The following HNF4G variants were observed in gnomAD, a reference collection of about 807,000 sequenced individuals.
HNF4G encodes hepatocyte nuclear factor 4-gamma.
In HNF4G, 21 loss-of-function variants were observed where a neutral mutation model predicts 50.9. That is an observed-to-expected ratio of 0.41 (90% CI 0.29 to 0.59). The LOEUF is 0.59. Among genes scored for constraint, HNF4G ranks in the 20% least tolerant of loss-of-function variants. The pLI is 0.26. For missense variants in HNF4G, 527 were observed against 559.4 expected (o/e 0.94, Z 0.58); for synonymous variants, 198 against 185.6 (o/e 1.07, Z -0.54).
upstream of HNF4G, among the ~76,000 whole-genome samples, chr8:75,538,040 TC>T (rs1263483829): frequency 2.0e-5 from 3 of 152,204 alleles, no homozygotes; most frequent in Non-Finnish European, 4.4e-5. Context: ...CTGACTGAAT[TC>T]CGTGGGTGTT....
chr8:75,559,085 A>G (rs1466183425), intron 8 of HNF4G, 48 bp downstream of exon 8: 19 of 1,200,684 alleles, frequency 1.6e-5, no homozygotes, highest in Non-Finnish European at 2.4e-5. Context: ...ATCACACTAA[A>G]TATAAGTTTG....
At chr8:75,418,035 T>A (rs1810683864) in intron 1 of HNF4G, among the ~76,000 whole-genome samples, 1 of 152,120 alleles carries the variant, frequency 6.6e-6, no homozygotes, top group South Asian at 2.1e-4. Context: ...CATAACATAA[T>A]GGGCCACGTA....
intron 1 of HNF4G, among the ~76,000 whole-genome samples, chr8:75,463,769 T>C (rs2130612836): frequency 6.7e-6 from 1 of 150,054 alleles, no homozygotes; most frequent in Admixed American, 6.6e-5. Context: ...TGTGAATATG[T>C]TGATTTTTTT....
Position 75,560,442 on chromosome 8 carries a change from A to G in HNF4G, c.1222A>G (p.Thr408Ala), listed in dbSNP as rs1272170427. 6.2e-7 allele frequency: 1 copy of G among 1,613,222 alleles called. No homozygotes were observed. The highest frequency in any genetic ancestry group is 2.2e-5 in the East Asian group (1 of 44,834). The part of the protein sequence containing the change: ...GQTILLGPMS[T>A]LVHADQISTP... ...AACTATACTTTTAGGTCCCATGTCAACACTGGTTCATGCAGACCAGATCTG... is the reference window on the plus strand; with the variant it reads ...AACTATACTTTTAGGTCCCATGTCAGCACTGGTTCATGCAGACCAGATCTG... Residue 408 changes from threonine (T) to alanine (A), a missense_variant, in exon 9 of 10, where the codon ACA becomes GCA. Transcript: ENST00000396423.
chr8:75,548,350 T>C (rs77926648), intron 3 of HNF4G, among the ~76,000 whole-genome samples: 1 of 152,168 alleles, frequency 6.6e-6, no homozygotes, highest in Non-Finnish European at 1.5e-5. Context: ...TTGATGAACA[T>C]TGAATGAACA....
intron 2 of HNF4G, among the ~76,000 whole-genome samples, chr8:75,531,624 A>G (rs1392179902): frequency 6.6e-6 from 1 of 152,104 alleles, no homozygotes; most frequent in Non-Finnish European, 1.5e-5. Context: ...TATGGGTTTC[A>G]TAATCACAGA....
At chr8:75,430,065 C>T (rs137948135) in intron 1 of HNF4G, among the ~76,000 whole-genome samples, 2,955 of 151,528 alleles carry the variant, frequency 0.02, 86 homozygotes, top group African/African-American at 0.064. Context: ...GCAGGAGTAT[C>T]GTTTGAACCC....
rs368374838 is a variant in HNF4G, at chr8:75,463,184, ATTG to A, written c.-143-26899_-143-26897del. Among the ~76,000 whole-genome samples, 392 of 150,102 alleles carry A rather than the reference ATTG, an allele frequency of 2.6e-3. 1 individual carries two copies. The highest frequency in any genetic ancestry group is 8.7e-3 in the African/African-American group (354 of 40,702). Reference sequence around the variant, plus strand: ...TAATTTTTAGCATGTAATTTTCTGTATTGTTGTTTGCTGGTATAGGTGTACAAC... The same window carrying A: ...TAATTTTTAGCATGTAATTTTCTGTATTGTTTGCTGGTATAGGTGTACAAC... On this transcript the variant is annotated intron_variant, in intron 1 of 10. Coordinates refer to the HNF4G transcript ENST00000354370.
chr8:75,537,615 A>C (rs1806502478), upstream of HNF4G, among the ~76,000 whole-genome samples: 1 of 152,174 alleles, frequency 6.6e-6, no homozygotes. Flanking sequence ...AAGCAAATCG[A>C]CTAAAGTTTA....
intron 1 of HNF4G, among the ~76,000 whole-genome samples, chr8:75,448,715 A>C (rs1171737981): frequency 6.6e-6 from 1 of 151,986 alleles, no homozygotes; most frequent in South Asian, 2.1e-4. Flanking sequence ...ACCTAAAAGG[A>C]CAACTATCTA....
Position 75,444,153 on chromosome 8 carries a change from C to T in HNF4G, c.-144+35991C>T, listed in dbSNP as rs1378775252. Among the ~76,000 whole-genome samples the T allele has an allele frequency of 2.6e-5, 4 of 151,904 alleles. No homozygotes were observed. The East Asian group carries it at 7.8e-4, about 30-fold the overall frequency. Reference sequence around the variant, plus strand: ...ATTCTTAAAGAAAAGAATTTTCAACCCAGAATTTCATATCCAGCCAAACTA... The same window carrying T: ...ATTCTTAAAGAAAAGAATTTTCAACTCAGAATTTCATATCCAGCCAAACTA... On this transcript the variant is annotated intron_variant, in intron 1 of 10. Coordinates refer to the HNF4G transcript ENST00000354370.
chr8:75,544,716 G>A (rs187728264), intron 2 of HNF4G, among the ~76,000 whole-genome samples: 1 of 150,916 alleles, frequency 6.6e-6, no homozygotes, highest in African/African-American at 2.4e-5. Flanking sequence ...ATTGCATCTT[G>A]ATTCATCTGT....
chr8:75,439,287 A>G (rs1384301720), intron 1 of HNF4G, among the ~76,000 whole-genome samples: 3 of 152,006 alleles, frequency 2.0e-5, no homozygotes, highest in Non-Finnish European at 4.4e-5. Flanking sequence ...TTCAAAATTC[A>G]TTTTCAAATC....
intron 2 of HNF4G, among the ~76,000 whole-genome samples, chr8:75,509,385 G>A (rs1400647532): frequency 6.6e-6 from 1 of 152,172 alleles, no homozygotes; most frequent in Non-Finnish European, 1.5e-5. Flanking sequence ...AAGAGGAGGT[G>A]TATATAAAGA....
chr8:75,530,718 G>A (rs1337151089), intron 2 of HNF4G, among the ~76,000 whole-genome samples: 1 of 151,266 alleles, frequency 6.6e-6, no homozygotes, highest in Non-Finnish European at 1.5e-5. Context: ...CTGAACAAGA[G>A]CAAAGCTGCA....
At chr8:75,531,565 T>A (rs1806326338) in intron 2 of HNF4G, among the ~76,000 whole-genome samples, 1 of 152,140 alleles carries the variant, frequency 6.6e-6, no homozygotes, top group African/African-American at 2.4e-5. Context: ...TATCCCTTTT[T>A]CACACTGAAC....
chr8:75,551,146 C>T (rs978516457), intron 3 of HNF4G, among the ~76,000 whole-genome samples: 4 of 152,008 alleles, frequency 2.6e-5, no homozygotes, highest in African/African-American at 9.7e-5. Flanking sequence ...ACTGGCTGAC[C>T]CAACACTTTC....
intron 1 of HNF4G, among the ~76,000 whole-genome samples, chr8:75,437,328 A>G (rs958613700): frequency 4.6e-5 from 7 of 152,336 alleles, no homozygotes; most frequent in Non-Finnish European, 7.4e-5. Flanking sequence ...TCATATTTCC[A>G]GGTATTAAGT....
At chr8:75,428,382 C>T (rs1585834292) in intron 1 of HNF4G, among the ~76,000 whole-genome samples, 1 of 152,228 alleles carries the variant, frequency 6.6e-6, no homozygotes, top group African/African-American at 2.4e-5. Context: ...AGAAAATAAA[C>T]TATTTCCTAG....
Sources: gnomAD v4.1 joint callset for allele counts (sites outside exome capture counted in the v4.1 genomes callset) on GRCh38, gnomAD v4.1.1 for gene constraint, MANE v1.5 for transcripts, NCBI Gene and HGNC (gene_info 2026-07-23, HGNC 2026-07-21) for gene names.